RGL1: variants seen among roughly 807,000 people sequenced by gnomAD.
The protein encoded by RGL1 is ral guanine nucleotide dissociation stimulator-like 1.
Under a neutral mutation model 95.2 loss-of-function variants are expected in RGL1, and 24 were observed. The ratio of observed to expected loss-of-function variants is 0.25; its 90% CI spans 0.18 to 0.35. RGL1 has a LOEUF of 0.35. Ranked by LOEUF, RGL1 falls within the 10% of genes least tolerant of loss-of-function variation. The pLI, the probability that RGL1 is intolerant of heterozygous loss-of-function variation, is 1.00. For missense variants in RGL1, 715 were observed against 936.3 expected (o/e 0.76, Z 3.08); for synonymous variants, 329 against 344.9 (o/e 0.95, Z 0.51).
At chr1:183,831,598 C>T (rs1206809586) in intron 2 of RGL1, among the ~76,000 whole-genome samples, 2 of 152,186 alleles carry the variant, frequency 1.3e-5, no homozygotes, top group Non-Finnish European at 2.9e-5. Flanking sequence ...TCAAGCATTA[C>T]ATGCTTTTAT....
In RGL1 at chr1:183,865,988, C is replaced by A; in HGVS notation, c.348-8C>A. 1 of 1,608,688 alleles carries A rather than the reference C, an allele frequency of 6.2e-7. No individual in the cohort carries two copies. The highest frequency in any genetic ancestry group is 1.1e-5 in the South Asian group (1 of 90,946). ...TTTTTGCTTGCTTGTTCATTATTAT[C>A]TCTACAGGTATGGAAACCTGACAAG... On this transcript the variant is annotated splice_polypyrimidine_tract_variant and splice_region_variant and intron_variant, in intron 3 of 17. Coordinates refer to ENST00000360851, the MANE Select transcript of RGL1 (RefSeq NM_001297671.3).
intron 2 of RGL1, among the ~76,000 whole-genome samples, chr1:183,795,358 C>T (rs1660645488): frequency 6.6e-6 from 1 of 152,116 alleles, no homozygotes; most frequent in Non-Finnish European, 1.5e-5. Context: ...AATAATCATA[C>T]AATTAAGTGT....
chr1:183,733,429 C>G (rs748086801), intron 1 of RGL1, among the ~76,000 whole-genome samples: 4 of 152,028 alleles, frequency 2.6e-5, no homozygotes, highest in Non-Finnish European at 5.9e-5. Flanking sequence ...TAGTGGTTTC[C>G]CCTTGGTTTC....
At chr1:183,814,482 T>G (rs1661950557) in intron 2 of RGL1, among the ~76,000 whole-genome samples, 1 of 152,232 alleles carries the variant, frequency 6.6e-6, no homozygotes, top group Non-Finnish European at 1.5e-5. Context: ...TAATTGCTTA[T>G]GCCATCTGTG....
intron 16 of RGL1, among the ~76,000 whole-genome samples, chr1:183,921,655 T>G (rs1024308086): frequency 2.6e-5 from 4 of 152,230 alleles, no homozygotes; most frequent in African/African-American, 9.7e-5. Context: ...GATTCAGTTT[T>G]TAGCTATTGT....
At chr1:183,690,403 C>G (rs1434482821) in intron 1 of RGL1, among the ~76,000 whole-genome samples, 1 of 152,058 alleles carries the variant, frequency 6.6e-6, no homozygotes, top group Non-Finnish European at 1.5e-5. Context: ...CATTATTTAT[C>G]TTTTCATGAA....
At chr1:183,644,576 C>T (rs191562939) in intron 1 of RGL1, among the ~76,000 whole-genome samples, 6 of 152,170 alleles carry the variant, frequency 3.9e-5, no homozygotes, top group Admixed American at 2.6e-4. Context: ...CAGGCAGTAG[C>T]CACCACGCCT....
chr1:183,644,261 CTTGGGCAGTTACTTAAAT>C (rs1478513427), intron 1 of RGL1, among the ~76,000 whole-genome samples: 2 of 152,112 alleles, frequency 1.3e-5, no homozygotes, highest in East Asian at 1.9e-4. Flanking sequence ...TTTTTTACTA[CTTGGGCAGTTACTTAAAT>C]TATCTGTGCC....
In RGL1 at chr1:183,912,147, C is replaced by T. The variant is rs764836083; in HGVS notation, c.1628C>T (p.Ala543Val). ...TPTKEQPKST[A>V]SGSSGESMDS... The stretch of plus-strand genomic sequence containing the variant: ...ACCAAAGAGCAGCCCAAGTCCACTG[C>T]CAGCGGGAGCTCTGGTGAAAGCATG... Residue 543 changes from alanine to valine, a missense_variant, in exon 15 of 18, where the codon GCC (alanine) becomes GTC (valine). This residue lies in a region of RGL1 where 330 missense variants were observed against 429.6 expected (regional missense o/e 0.77). Coordinates refer to ENST00000360851, the MANE Select transcript of RGL1 (RefSeq NM_001297671.3). 41 of 1,613,974 alleles carry T rather than the reference C, an allele frequency of 2.5e-5. No homozygotes were observed. Among genetic ancestry groups the T allele is most frequent in the Non-Finnish European group, 3.1e-5 (36 of 1,180,022 alleles).
In RGL1 at chr1:183,851,100, ATGAC is replaced by A. The variant is rs573484162; in HGVS notation, c.347+3332_347+3335del. On this transcript the variant is annotated intron_variant, in intron 3 of 17. Transcript: ENST00000360851. ...TTTTGCTTTTTAAAACACTAACTGG[ATGAC>A]TGACTAACACTGAAAATGAATCAAA... Among the ~76,000 whole-genome samples the A allele has an allele frequency of 1.5e-4, 23 of 152,342 alleles. No homozygotes were observed. The South Asian group carries it at 4.1e-3, about 27-fold the overall frequency.
In RGL1 at chr1:183,737,545, A is replaced by G. The variant is rs141129372; in HGVS notation, c.-32-4581A>G. On this transcript the variant is annotated intron_variant, in intron 1 of 18. Coordinates refer to the RGL1 transcript ENST00000304685. ...CAGGAGGATCACTTGAGCCCAGGTG[A>G]GACCAGCCTGGGCAACATAGTGAGA... Among the ~76,000 whole-genome samples the G allele has an allele frequency of 4.0e-3, 599 of 151,172 alleles. 6 individuals are homozygous for G. Among genetic ancestry groups the G allele is most frequent in the African/African-American group, 0.014 (561 of 41,204 alleles).
At chr1:183,774,429 G>C (rs1659477331) in intron 2 of RGL1, among the ~76,000 whole-genome samples, 1 of 152,166 alleles carries the variant, frequency 6.6e-6, no homozygotes, top group South Asian at 2.1e-4. Context: ...CAATCACAAT[G>C]ACTGTGGGAC....
At chr1:183,764,154 G>A (rs1658845699) in intron 2 of RGL1, among the ~76,000 whole-genome samples, 1 of 152,180 alleles carries the variant, frequency 6.6e-6, no homozygotes, top group South Asian at 2.1e-4. Flanking sequence ...TCAGTCCAGG[G>A]TTCTCCTGCT....
At chr1:183,912,328 C>T in intron 15 of RGL1, 60 bp downstream of exon 15, 1 of 1,362,326 alleles carries the variant, frequency 7.3e-7, no homozygotes, top group Non-Finnish European at 1.0e-6. Context: ...CTTTGCCACA[C>T]CACAGCAAGG....
intron 1 of RGL1, among the ~76,000 whole-genome samples, chr1:183,684,785 C>G (rs1454592729): frequency 6.6e-6 from 1 of 152,216 alleles, no homozygotes; most frequent in East Asian, 1.9e-4. Flanking sequence ...GTGTCTGGGC[C>G]AGAGTGCACT....
intron 2 of RGL1, among the ~76,000 whole-genome samples, chr1:183,793,922 C>A (rs536138528): frequency 1.5e-4 from 23 of 151,436 alleles, no homozygotes; most frequent in African/African-American, 5.3e-4. Flanking sequence ...GAAAGGAAAT[C>A]AGTATATCAA....
At chr1:183,820,554 T>G (rs1039307157) in intron 2 of RGL1, among the ~76,000 whole-genome samples, 1 of 152,110 alleles carries the variant, frequency 6.6e-6, no homozygotes, top group African/African-American at 2.4e-5. Flanking sequence ...TGCTCTTTCC[T>G]TCTGCTTCTA....
intron 11 of RGL1, 93 bp downstream of exon 11, chr1:183,900,329 C>T (rs920724736): frequency 3.1e-6 from 3 of 960,222 alleles, no homozygotes; most frequent in Non-Finnish European, 5.0e-6. Context: ...TTTTGAAGGT[C>T]CAAAAGTACA....
chr1:183,659,513 A>T (rs1283775398), intron 1 of RGL1, among the ~76,000 whole-genome samples: 2 of 152,176 alleles, frequency 1.3e-5, no homozygotes, highest in African/African-American at 4.8e-5. Flanking sequence ...GAGAAAAAAG[A>T]ATAAAAAGAA....
Sources: gnomAD v4.1 joint callset for allele counts (sites outside exome capture counted in the v4.1 genomes callset) on GRCh38, gnomAD v4.1.1 for gene constraint, gnomAD v4.1.1 regional missense constraint, MANE v1.5 for transcripts, NCBI Gene and HGNC (gene_info 2026-07-23, HGNC 2026-07-21) for gene names.